PDE12: variants seen among roughly 807,000 people sequenced by gnomAD.
PDE12 encodes the protein phosphodiesterase 12.
A neutral mutation model predicts 45.4 loss-of-function variants in PDE12; 26 were observed. The ratio of observed to expected loss-of-function variants is 0.57; its 90% confidence interval spans 0.42 to 0.79. The LOEUF (loss-of-function observed/expected upper bound fraction) is 0.79. PDE12 is among the 30% of genes least tolerant of loss of function. The pLI is 0.00. For missense variants in PDE12, 668 were observed against 790.0 expected, an observed-to-expected ratio of 0.85 and a Z score of 1.85; for synonymous variants, 283 against 323.9, an observed-to-expected ratio of 0.87 and a Z score of 1.36.
chr3:57,592,684 G>A, the PDE12 span, among the ~76,000 whole-genome samples: 2 of 152,154 alleles, frequency 1.3e-5, no homozygotes, highest in African/African-American at 2.4e-5. Context: ...GCAAAAGGGT[G>A]CATCTAAGGA....
chr3:57,630,969 C>T, the PDE12 span: 2 of 1,612,994 alleles, frequency 1.2e-6, no homozygotes, highest in South Asian at 1.1e-5. Flanking sequence ...AAGCTTGCCA[C>T]ATATCTTTCC....
the PDE12 span, among the ~76,000 whole-genome samples, chr3:57,623,399 C>T: frequency 6.6e-6 from 1 of 152,186 alleles, no homozygotes; most frequent in Non-Finnish European, 1.5e-5. Context: ...TCACTTACGG[C>T]TGGGCGTGGT....
At chr3:57,642,997 A>C in the PDE12 span, among the ~76,000 whole-genome samples, 3 of 130,136 alleles carry the variant, frequency 2.3e-5, no homozygotes, top group Non-Finnish European at 4.9e-5. Flanking sequence ...CAAGAGCGAG[A>C]CTTCATCTCA....
At chr3:57,615,183 G>A in the PDE12 span, among the ~76,000 whole-genome samples, 1 of 151,906 alleles carries the variant, frequency 6.6e-6, no homozygotes, top group African/African-American at 2.4e-5. Context: ...AAAGTGCTAG[G>A]AAAAAGAACT....
chr3:57,561,421 A>T lies in PDE12; in HGVS notation c.*1417A>T. ...GAGTTACAGACAACAGTGTGTATAT[A>T]TGTAATATATATATAGTAAAATGAA... On this transcript the variant is annotated 3_prime_UTR_variant, in exon 3 of 3. Transcript: ENST00000311180. 5 of 967,660 alleles carry T rather than the reference A, an allele frequency of 5.2e-6. No individual in the cohort carries two copies. Among genetic ancestry groups the T allele is most frequent in the Non-Finnish European group, 6.1e-6 (5 of 813,386 alleles). The allele number at this position is 967,660 out of a possible 1,614,324, so 59.9% of individuals were successfully genotyped here.
the PDE12 span, among the ~76,000 whole-genome samples, chr3:57,613,132 G>C: frequency 6.9e-6 from 1 of 145,194 alleles, no homozygotes; most frequent in Non-Finnish European, 1.5e-5. Flanking sequence ...AGGCGCCTGC[G>C]ACCGCGTCTG....
the PDE12 span, among the ~76,000 whole-genome samples, chr3:57,593,069 T>C: frequency 3.3e-5 from 5 of 151,972 alleles, no homozygotes; most frequent in African/African-American, 1.2e-4. Flanking sequence ...TAGCCGGGCA[T>C]AGTGGCGCCT....
the PDE12 span, chr3:57,596,675 C>T: frequency 5.2e-6 from 1 of 194,002 alleles, no homozygotes; most frequent in Non-Finnish European, 1.1e-5. Flanking sequence ...GCTGGAGTTG[C>T]TCTGCCTCCC....
the PDE12 span, among the ~76,000 whole-genome samples, chr3:57,639,241 G>A: frequency 6.6e-6 from 1 of 152,126 alleles, no homozygotes; most frequent in African/African-American, 2.4e-5. Context: ...TTCTAGAATG[G>A]CCATAATGAA....
At chr3:57,632,496 C>T in the PDE12 span, among the ~76,000 whole-genome samples, 1 of 152,032 alleles carries the variant, frequency 6.6e-6, no homozygotes, top group East Asian at 1.9e-4. Flanking sequence ...CTCATAAGCA[C>T]TACAGTAAAG....
At chr3:57,567,046 A>G (rs2069791627), downstream of PDE12, among the ~76,000 whole-genome samples, 1 of 152,232 alleles carries the variant, frequency 6.6e-6, no homozygotes, top group African/African-American at 2.4e-5. Context: ...ACAGTGGCTC[A>G]TGCCTGTAAT....
the PDE12 span, among the ~76,000 whole-genome samples, chr3:57,591,946 G>A: frequency 6.6e-6 from 1 of 152,108 alleles, no homozygotes; most frequent in South Asian, 2.1e-4. Flanking sequence ...GTTTCTTTGA[G>A]GGATGATGAA....
chr3:57,627,033 T>C, the PDE12 span: 1 of 152,268 alleles, frequency 6.6e-6, no homozygotes, highest in African/African-American at 2.4e-5. Flanking sequence ...GAAATAAGAA[T>C]AGTTCAGTTT....
chr3:57,620,789 G>A, the PDE12 span, among the ~76,000 whole-genome samples: 2 of 152,168 alleles, frequency 1.3e-5, no homozygotes, highest in Non-Finnish European at 2.9e-5. Flanking sequence ...TGAAAGACAT[G>A]TTGATAATTA....
the PDE12 span, among the ~76,000 whole-genome samples, chr3:57,579,712 C>T: frequency 2.6e-5 from 4 of 152,166 alleles, no homozygotes; most frequent in African/African-American, 9.7e-5. Context: ...ATTGTAAGTC[C>T]ATTTCCTTTA....
the PDE12 span, among the ~76,000 whole-genome samples, chr3:57,602,823 G>T: frequency 6.6e-6 from 1 of 151,704 alleles, no homozygotes; most frequent in Non-Finnish European, 1.5e-5. Flanking sequence ...CACCCGCCTC[G>T]GTCTCCCAGA....
At chr3:57,653,213 T>C in the PDE12 span, among the ~76,000 whole-genome samples, 3 of 152,296 alleles carry the variant, frequency 2.0e-5, no homozygotes, top group East Asian at 5.8e-4. Context: ...TGAAAACATC[T>C]CACCAACTGA....
At chr3:57,575,508 T>A in the PDE12 span, 4 of 1,578,162 alleles carry the variant, frequency 2.5e-6, no homozygotes, top group Non-Finnish European at 3.4e-6. Flanking sequence ...CTAGTAAGTC[T>A]TAATAGTCAA....
the PDE12 span, chr3:57,645,634 T>A: frequency 6.5e-7 from 1 of 1,542,896 alleles, no homozygotes; most frequent in Non-Finnish European, 8.9e-7. Flanking sequence ...AGGTAATACC[T>A]GGTCAATAGA....
Sources: allele counts gnomAD v4.1 joint callset (sites outside exome capture counted in the v4.1 genomes callset), GRCh38; gene constraint gnomAD v4.1.1; transcripts MANE v1.5; gene names NCBI Gene and HGNC (gene_info 2026-07-23, HGNC 2026-07-21).